ACLY: variants seen among roughly 807,000 people sequenced by gnomAD.
ACLY encodes the protein ATP-citrate synthase.
ACLY carries 41 observed loss-of-function variants against 133.0 expected under a neutral mutation model. The observed-to-expected ratio is 0.31, with a 90% CI of 0.24 to 0.40. The LOEUF is 0.40. ACLY is among the 10% of genes least tolerant of loss of function. The pLI is 1.00. For missense variants in ACLY, 1,046 were observed against 1,453.8 expected (o/e 0.72, Z 4.56); for synonymous variants, 495 against 549.3 (o/e 0.90, Z 1.38).
At chr17:41,877,120 AAT>A (rs1311618261) in intron 22 of ACLY, among the ~76,000 whole-genome samples, 1 of 152,022 alleles carries the variant, frequency 6.6e-6, no homozygotes, top group Admixed American at 6.5e-5. Flanking sequence ...AAACAACATG[AAT>A]ATGTTCTCTA....
chr17:41,913,144 A>G (rs1399617926), intron 2 of ACLY, among the ~76,000 whole-genome samples: 1 of 152,182 alleles, frequency 6.6e-6, no homozygotes, highest in African/African-American at 2.4e-5. Context: ...GAAATCTAAG[A>G]GCTTTCTAAC....
Position 41,901,690 on chromosome 17 carries a change from T to A in ACLY, c.1183+6A>T, listed in dbSNP as rs2049546178. ...GTGAGGGGGAGAGAAAAGGTCCTCA[T>A]CTTACCGACTTCTCCCATCACCCGT... On this transcript the variant is annotated splice_donor_region_variant and intron_variant, in intron 11 of 28. Transcript: ENST00000352035. 1 of 1,610,252 alleles carries A rather than the reference T, an allele frequency of 6.2e-7. No homozygotes were observed. Among genetic ancestry groups the A allele is most frequent in the South Asian group, 1.1e-5 (1 of 90,750 alleles).
In ACLY at chr17:41,892,395, C is replaced by A; in HGVS notation, c.1654G>T (p.Val552Phe). 6.2e-7 allele frequency: 1 copy of A among 1,613,950 alleles called. No individual in the cohort carries two copies. Among genetic ancestry groups the A allele is most frequent in the Non-Finnish European group, 8.5e-7 (1 of 1,179,974 alleles). ...ATGGCATCAGCCATGTTCTTGAAGA[C>A]AGGGATCAGGATCTCTTTGTGCCCC... is the stretch of plus-strand genomic sequence containing the variant. The part of the protein sequence containing the change: ...YWGHKEILIP[V>F]FKNMADAMRK... The change falls in exon 16 of 29, where the codon GTC becomes TTC. Residue 552 changes from valine (V) to phenylalanine (F), a missense_variant. Around this residue, in one of 4 missense-constraint regions of ACLY, gnomAD observed 575 missense variants for 804.2 expected, o/e 0.71. Transcript: ENST00000352035.
chr17:41,919,197 G>T (rs926228435), upstream of ACLY, among the ~76,000 whole-genome samples: 2 of 152,202 alleles, frequency 1.3e-5, no homozygotes, highest in Admixed American at 1.3e-4. Flanking sequence ...GCCGGGGCGG[G>T]GCCCCGGGTG....
chr17:41,906,128 T>A (rs2049709535), intron 8 of ACLY, among the ~76,000 whole-genome samples: 1 of 152,142 alleles, frequency 6.6e-6, no homozygotes, highest in African/African-American at 2.4e-5. Flanking sequence ...TAGAATATGA[T>A]CCTAATATTC....
In ACLY at chr17:41,898,780, T is replaced by C; in HGVS notation, c.1189A>G (p.Thr397Ala). The change falls in exon 12 of 29, where the codon ACC (threonine) becomes GCC (alanine). Residue 397 changes from threonine to alanine, a missense_variant. Physicochemically the swap from Thr to Ala is moderately conservative, Grantham distance 58. Transcript: ENST00000352035. The part of the protein sequence containing the change: ...GLRVMGEVGK[T>A]TGIPIHVFGT... The stretch of plus-strand genomic sequence containing the variant: ...AAGACATGGATGGGGATCCCAGTGG[T>C]CTTCCCTGCAAGGGAAGGAAAAAAA... 6.2e-7 allele frequency: 1 copy of C among 1,613,448 alleles called. No homozygotes were observed. The highest frequency in any genetic ancestry group is 1.1e-5 in the South Asian group (1 of 90,966).
At chr17:41,908,246 A>C (rs1725914383) in intron 6 of ACLY, among the ~76,000 whole-genome samples, 1 of 152,184 alleles carries the variant, frequency 6.6e-6, no homozygotes, top group Non-Finnish European at 1.5e-5. Context: ...CTCTCCCTCA[A>C]CACCACCTGC....
chr17:41,882,434 G>C (rs1367792345), intron 20 of ACLY, among the ~76,000 whole-genome samples: 1 of 134,272 alleles, frequency 7.4e-6, no homozygotes, highest in Non-Finnish European at 1.5e-5. Flanking sequence ...ATACTGCAGA[G>C]TATTCTTGTA....
chr17:41,868,634 AC>A, intron 28 of ACLY, 74 bp downstream of exon 28: 1 of 975,272 alleles, frequency 1.0e-6, no homozygotes, highest in Non-Finnish European at 1.5e-6. Flanking sequence ...AAGAAACTCA[AC>A]CCCATGAGTA....
intron 20 of ACLY, among the ~76,000 whole-genome samples, chr17:41,880,812 G>A (rs1031316412): frequency 6.6e-6 from 1 of 151,736 alleles, no homozygotes; most frequent in Non-Finnish European, 1.5e-5. Flanking sequence ...CTTGCAGTGA[G>A]CCGAGACTGC....
rs529714939 is a variant in ACLY, at chr17:41,903,724, C to T, written c.1065+1005G>A. Among the ~76,000 whole-genome samples, 3 of 132,056 alleles carry T rather than the reference C, an allele frequency of 2.3e-5. No individual in the cohort carries two copies. The South Asian group carries it at 7.5e-4, about 33-fold the overall frequency. 86.6% of individuals were successfully genotyped at this position (132,056 alleles called of 152,430 possible). Reference sequence around the variant, plus strand: ...TGAGCCGAGATTGCGCCACTGCACGCCAGCCTGGGCAACAGAGCGAGACTC... The same window carrying T: ...TGAGCCGAGATTGCGCCACTGCACGTCAGCCTGGGCAACAGAGCGAGACTC... On this transcript the variant is annotated intron_variant, in intron 10 of 28. Coordinates refer to ENST00000352035, the MANE Select transcript of ACLY (RefSeq NM_001096.3).
intron 8 of ACLY, among the ~76,000 whole-genome samples, chr17:41,906,270 A>T (rs533002354): frequency 6.6e-6 from 1 of 152,252 alleles, no homozygotes; most frequent in African/African-American, 2.4e-5. Context: ...CATTTTCTGT[A>T]CCTTTGTATG....
chr17:41,930,484 A>G (rs542927697), exon 1 of ACLY: 40 of 473,288 alleles, frequency 8.5e-5, no homozygotes, highest in South Asian at 2.4e-4. Context: ...AACAGCAAAC[A>G]CTAACCAGCC....
intron 16 of ACLY, among the ~76,000 whole-genome samples, chr17:41,890,925 G>C (rs1555629136): frequency 6.7e-6 from 1 of 149,308 alleles, no homozygotes; most frequent in African/African-American, 2.5e-5. Flanking sequence ...AGAATCACTT[G>C]AGCCTGGGAA....
chr17:41,925,932 C>A (rs2050238446), intron 1 of ACLY, among the ~76,000 whole-genome samples: 1 of 151,952 alleles, frequency 6.6e-6, no homozygotes, highest in African/African-American at 2.4e-5. Flanking sequence ...GCAACCTCTG[C>A]CTCTCGGGTT....
chr17:41,925,673 G>A (rs1555635897), intron 1 of ACLY, among the ~76,000 whole-genome samples: 1 of 151,946 alleles, frequency 6.6e-6, no homozygotes, highest in East Asian at 1.9e-4. Flanking sequence ...GGGGAGGGGA[G>A]GCCAAGGAGA....
rs372995526 is a variant in ACLY, at chr17:41,900,599, C to A, written c.1183+1097G>T. ...AATTAGCCAGGTGTGGTGGTGCACA[C>A]CCGTGGTCCCCAATACTTGGGAGGC... On this transcript the variant is annotated intron_variant, in intron 11 of 28. Transcript: ENST00000352035. 8.6e-5 allele frequency among the ~76,000 whole-genome samples: 13 copies of A among 151,616 alleles called. No homozygotes were observed. The East Asian group carries it at 1.6e-3, about 18-fold the overall frequency.
rs2049971340 is a variant in ACLY, at chr17:41,913,745, C to T, written c.129G>A (p.Leu43=). Residue 43 remains leucine, a synonymous_variant, in exon 2 of 29, where the codon TTG becomes TTA. Coordinates refer to ENST00000352035, the MANE Select transcript of ACLY (RefSeq NM_001096.3). ...TGAGCAGCCAGGGGTGGTCCTGCAGCAAGCGGGCCCAGTCTGTGTCAGGAG... is the reference window on the plus strand; with the variant it reads ...TGAGCAGCCAGGGGTGGTCCTGCAGTAAGCGGGCCCAGTCTGTGTCAGGAG... ...RVTPDTDWAR[L]LQDHPWLLSQ... is the part of the protein sequence containing the mutation. 1 of 1,614,052 alleles carries T rather than the reference C, an allele frequency of 6.2e-7. No homozygotes were observed. Among genetic ancestry groups the T allele is most frequent in the Non-Finnish European group, 8.5e-7 (1 of 1,180,026 alleles).
At chr17:41,907,632 C>A in intron 6 of ACLY, 60 bp from the exon 7 acceptor site, 1 of 1,581,714 alleles carries the variant, frequency 6.3e-7, no homozygotes, top group Non-Finnish European at 8.7e-7. Flanking sequence ...AACCACCAAC[C>A]TCCAACCCCT....
Sources: gnomAD v4.1 joint callset for allele counts (sites outside exome capture counted in the v4.1 genomes callset) on GRCh38, gnomAD v4.1.1 for gene constraint, gnomAD v4.1.1 regional missense constraint, MANE v1.5 for transcripts, NCBI Gene and HGNC (gene_info 2026-07-23, HGNC 2026-07-21) for gene names.